THADA: variants seen among roughly 807,000 people sequenced by gnomAD.
THADA encodes tRNA (32-2'-O)-methyltransferase regulator THADA.
Under a neutral mutation model 219.8 loss-of-function variants are expected in THADA, and 213 were observed. The observed-to-expected ratio is 0.97, with a 90% CI of 0.87 to 1.09. The LOEUF (loss-of-function observed/expected upper bound fraction) is 1.09. Among genes scored for constraint, THADA ranks in the 50% least tolerant of loss-of-function variants. The pLI is 0.00. For synonymous variants in THADA, 1,018 were observed against 828.9 expected (o/e 1.23, Z -3.92); for missense variants, 2,956 against 2,311.3 (o/e 1.28, Z -5.72).
In THADA at chr2:43,578,509, T is replaced by A; in HGVS notation, c.816+4A>T. ...GTACAATTCTAAAAAGGAGATGCAC[T>A]TACCAAATGAGGAATCTTTTCAGAC... On this transcript the variant is annotated splice_donor_region_variant and intron_variant, in intron 9 of 37. Transcript: ENST00000405975. The A allele has an allele frequency of 2.5e-6, 4 of 1,603,216 alleles. No individual in the cohort carries two copies. Among genetic ancestry groups the A allele is most frequent in the Non-Finnish European group, 2.6e-6 (3 of 1,171,460 alleles).
intron 22 of THADA, among the ~76,000 whole-genome samples, chr2:43,509,679 A>G (rs1690147652): frequency 6.6e-6 from 1 of 152,178 alleles, no homozygotes; most frequent in African/African-American, 2.4e-5. Flanking sequence ...TGTAAAACAG[A>G]TAACTTCAGT....
At chr2:43,579,119 T>C (rs1024053836) in intron 8 of THADA, among the ~76,000 whole-genome samples, 2 of 152,190 alleles carry the variant, frequency 1.3e-5, no homozygotes, top group Non-Finnish European at 2.9e-5. Flanking sequence ...CATGAGCCAC[T>C]GTGCCCGGCT....
intron 29 of THADA, among the ~76,000 whole-genome samples, chr2:43,387,827 A>C (rs1312459591): frequency 6.6e-6 from 1 of 152,232 alleles, no homozygotes; most frequent in Non-Finnish European, 1.5e-5. Context: ...CCACAAAAGC[A>C]AAGGGTGAAG....
chr2:43,549,119 G>C, intron 20 of THADA, 91 bp downstream of exon 20: 1 of 1,159,904 alleles, frequency 8.6e-7, no homozygotes, highest in Non-Finnish European at 1.2e-6. Context: ...GCACAGATTT[G>C]CAACCTCTAA....
intron 34 of THADA, among the ~76,000 whole-genome samples, chr2:43,287,961 G>T (rs1458656137): frequency 6.6e-6 from 1 of 152,234 alleles, no homozygotes; most frequent in Non-Finnish European, 1.5e-5. Context: ...GATGGTGGAA[G>T]CTGGAGCAAA....
chr2:43,348,035 A>G (rs1162952540), intron 29 of THADA, among the ~76,000 whole-genome samples: 2 of 152,174 alleles, frequency 1.3e-5, no homozygotes, highest in Non-Finnish European at 2.9e-5. Flanking sequence ...AGTCTAGACA[A>G]GAGGAGGGGA....
rs867423009 is a variant in THADA at position 43,515,242 on chromosome 2, A to T, written c.3375-6462T>A. On this transcript the variant is annotated intron_variant, in intron 22 of 37. Transcript: ENST00000405975. ...ATATTATATATAATATATAATATAT[A>T]ATATATTATATATAATATATAATAT... Among the ~76,000 whole-genome samples, 89 of 18,042 alleles carry T rather than the reference A, an allele frequency of 4.9e-3. 3 individuals carry two copies. The highest frequency in any genetic ancestry group is 6.0e-3 in the Non-Finnish European group (54 of 9,058). The allele number at this position is 18,042 out of a possible 152,430, so 11.8% of individuals were successfully genotyped here. A position where few individuals can be genotyped will look rare whatever the true frequency, so the allele number is the denominator to read the frequency against.
At chr2:43,540,170 G>C (rs778462854) in intron 21 of THADA, among the ~76,000 whole-genome samples, 2 of 152,226 alleles carry the variant, frequency 1.3e-5, no homozygotes, top group African/African-American at 4.8e-5. Flanking sequence ...ACTACAGCCA[G>C]TCACCAGCAA....
At chr2:43,373,509 T>C (rs1445361090) in intron 29 of THADA, among the ~76,000 whole-genome samples, 8 of 151,934 alleles carry the variant, frequency 5.3e-5, no homozygotes, top group Non-Finnish European at 4.4e-5. Flanking sequence ...AGGGTCTCAC[T>C]CTGTCTCCCA....
chr2:43,573,315 AGAAATAAG>A (rs1245293344), intron 11 of THADA, among the ~76,000 whole-genome samples: 1 of 152,208 alleles, frequency 6.6e-6, no homozygotes, highest in African/African-American at 2.4e-5. Flanking sequence ...AATCAGGTGG[AGAAATAAG>A]CACATCAGTG....
Position 43,560,239 on chromosome 2 carries a change from A to T in THADA, c.2458T>A (p.Phe820Ile), listed in dbSNP as rs369396814. The change falls in exon 16 of 38, where the codon TTT becomes ATT. Residue 820 changes from phenylalanine (F) to isoleucine (I), a missense_variant. Coordinates refer to ENST00000405975, the MANE Select transcript of THADA (RefSeq NM_022065.5). Reference protein sequence around the residue: ...LMKLSKTAVHFQDSGKLQGLF... With the variant: ...LMKLSKTAVHIQDSGKLQGLF... The stretch of plus-strand genomic sequence containing the variant: ...TACTAGAAAAGTCCTGATACCTGAA[A>T]ATGTACAGCTGTTTTTGATAACTTC... 1 of 1,610,006 alleles carries T rather than the reference A, an allele frequency of 6.2e-7. No individual in the cohort carries two copies. Among genetic ancestry groups the T allele is most frequent in the East Asian group, 2.2e-5 (1 of 44,748 alleles).
intron 36 of THADA, among the ~76,000 whole-genome samples, chr2:43,258,982 C>T (rs1169255442): frequency 6.6e-6 from 1 of 152,172 alleles, no homozygotes; most frequent in African/African-American, 2.4e-5. Context: ...TCTGGAGGTT[C>T]TGTGGTGGAA....
chr2:43,542,359 C>T (rs1405733637), intron 20 of THADA, among the ~76,000 whole-genome samples: 3 of 152,104 alleles, frequency 2.0e-5, no homozygotes, highest in Non-Finnish European at 2.9e-5. Flanking sequence ...TTCATATGTA[C>T]CTCTGTTGTT....
chr2:43,428,932 C>G (rs1573598665), intron 27 of THADA, among the ~76,000 whole-genome samples: 1 of 152,270 alleles, frequency 6.6e-6, no homozygotes, highest in East Asian at 1.9e-4. Flanking sequence ...TTAGCATAAA[C>G]TACTAATGTG....
At chr2:43,458,763 T>C (rs1415124648) in intron 26 of THADA, among the ~76,000 whole-genome samples, 1 of 152,188 alleles carries the variant, frequency 6.6e-6, no homozygotes, top group Non-Finnish European at 1.5e-5. Flanking sequence ...TGCATAAAGC[T>C]AAGGTATTCT....
At chr2:43,544,483 G>A (rs1045976029) in intron 20 of THADA, among the ~76,000 whole-genome samples, 1 of 152,160 alleles carries the variant, frequency 6.6e-6, no homozygotes, top group African/African-American at 2.4e-5. Flanking sequence ...CCACTTTCAT[G>A]ATATTGATTC....
rs767029413 is a variant in THADA at position 43,527,930 on chromosome 2, G to T, written c.3323C>A (p.Ala1108Glu). ...AAAACCAGTATAAGCCAATTCAAAT[G>T]CTCCTCTGTGCCTGGACTGCAAAAG... ...QHLLQSRHRGAFELAYTGFVK... is the reference protein window; with the variant it reads ...QHLLQSRHRGEFELAYTGFVK... The change falls in exon 22 of 38, where the codon GCA becomes GAA. Residue 1108 changes from alanine (A) to glutamate (E), a missense_variant. Transcript: ENST00000405975. 1 of 1,613,508 alleles carries T rather than the reference G, an allele frequency of 6.2e-7. No homozygotes were observed. Among genetic ancestry groups the T allele is most frequent in the African/African-American group, 1.3e-5 (1 of 74,984 alleles).
At chr2:43,536,400 T>G (rs74608713) in intron 21 of THADA, among the ~76,000 whole-genome samples, 23,508 of 152,130 alleles carry the variant, frequency 0.15, 2,352 homozygotes, top group African/African-American at 0.28. Context: ...GCAAAATAAT[T>G]TTTAATAACA....
intron 26 of THADA, among the ~76,000 whole-genome samples, chr2:43,435,698 G>A (rs1354986320): frequency 6.7e-6 from 1 of 150,254 alleles, no homozygotes; most frequent in African/African-American, 2.4e-5. Context: ...CGACAGAATC[G>A]CTTGAACCTG....
Sources: gnomAD v4.1 joint callset for allele counts (sites outside exome capture counted in the v4.1 genomes callset) on GRCh38, gnomAD v4.1.1 for gene constraint, MANE v1.5 for transcripts, NCBI Gene and HGNC (gene_info 2026-07-23, HGNC 2026-07-21) for gene names.